Variants in ARL5C observed in about 807,000 individuals in gnomAD.
ARL5C encodes the protein putative ADP-ribosylation factor-like protein 5C.
In ARL5C, 21 loss-of-function variants were observed where a neutral mutation model predicts 20.8. The ratio of observed to expected loss-of-function variants is 1.01; its 90% CI spans 0.72 to 1.46. The LOEUF is 1.46. Among genes scored for constraint, ARL5C ranks in the 40% most tolerant of loss-of-function variants. ARL5C has a pLI of 0.00. For missense variants in ARL5C, 199 were observed against 225.1 expected (o/e 0.88, Z 0.74); for synonymous variants, 71 against 81.6 (o/e 0.87, Z 0.70).
At chr17:39,164,650 G>A (rs954881169) in intron 2 of ARL5C, among the ~76,000 whole-genome samples, 1 of 152,128 alleles carries the variant, frequency 6.6e-6, no homozygotes, top group African/African-American at 2.4e-5. Context: ...TATTTACTCA[G>A]CACCACCCAT....
At chr17:39,161,410 G>T in intron 3 of ARL5C, 59 bp from the exon 4 acceptor site, 1 of 1,487,640 alleles carries the variant, frequency 6.7e-7, no homozygotes, top group Non-Finnish European at 9.2e-7. Context: ...TGTGTTTCCT[G>T]CCCTCTTTCT....
rs2045411415 is a variant in ARL5C at position 39,157,561 on chromosome 17, G to A, written c.492-619C>T. Among the ~76,000 whole-genome samples the A allele has an allele frequency of 2.6e-5, 4 of 151,808 alleles. No individual in the cohort carries two copies. In the South Asian group the frequency reaches 6.2e-4, roughly 24 times the overall value. On this transcript the variant is annotated intron_variant, in intron 5 of 5. Transcript: ENST00000269586. ...TCCCAGCACTTAGGGAGGCGGAGGCGGGTGGATCACCTGAGGTCGGGAATT... is the reference window on the plus strand; with the variant it reads ...TCCCAGCACTTAGGGAGGCGGAGGCAGGTGGATCACCTGAGGTCGGGAATT...
Position 39,165,147 on chromosome 17 carries a change from C to A in ARL5C, c.47-8G>T, listed in dbSNP as rs1237064090. ...CGATGATGACCGTGTGCTCTGGAAG[C>A]GTCGGAGGAAGGGCAGCGTCAGGGC... On this transcript the variant is annotated splice_region_variant and splice_polypyrimidine_tract_variant and intron_variant, in intron 1 of 5. Transcript: ENST00000269586. The A allele has an allele frequency of 5.2e-6, 8 of 1,551,172 alleles. No homozygotes were observed. In the Admixed American group the frequency reaches 1.6e-4, roughly 30 times the overall value.
rs1388577675 is a variant in ARL5C at position 39,160,595 on chromosome 17, C to T, written c.487G>A (p.Glu163Lys). ...CCAGGTAGGGCAGCCACTAACCCTT[C>T]CCTGGTGAGGGCACAGCAGCCTTGT... ...HIQGCCALTR[E>K]GLPARLQWME... Residue 163 changes from glutamate to lysine, a missense_variant, in exon 5 of 6, where the codon GAA becomes AAA. Coordinates refer to ENST00000269586, the MANE Select transcript of ARL5C (RefSeq NM_001143968.1). 2.1e-5 allele frequency: 32 copies of T among 1,551,720 alleles called. No homozygotes were observed. The highest frequency in any genetic ancestry group is 2.8e-5 in the Non-Finnish European group (32 of 1,146,980).
intron 4 of ARL5C, 129 bp downstream of exon 4, chr17:39,161,139 C>A: frequency 1.2e-6 from 1 of 864,114 alleles, no homozygotes; most frequent in African/African-American, 1.7e-5. Flanking sequence ...AACCAGCCCT[C>A]CTCATGCTGC....
At chr17:39,162,651 A>G in intron 3 of ARL5C, 60 bp downstream of exon 3, 1 of 1,523,256 alleles carries the variant, frequency 6.6e-7, no homozygotes, top group South Asian at 1.2e-5. Flanking sequence ...GAAAGGTTAC[A>G]TGACAGTCTG....
At position 39,161,340 on chromosome 17, in the gene ARL5C, A is replaced by G. The variant is rs758782843; in HGVS notation, c.267T>C (p.Leu89=). The G allele has an allele frequency of 1.9e-6, 3 of 1,551,892 alleles. No homozygotes were observed. The highest frequency in any genetic ancestry group is 2.6e-6 in the Non-Finnish European group (3 of 1,147,018). ...GATCCCGGTCCGTGCTGTCAATCAC[A>G]AGGATGATAAACTGGGCAGCAGAGG... ...TYYSNTEFII[L]VIDSTDRDRL... is the part of the protein sequence containing the mutation. The change falls in exon 4 of 6, where the codon CTT becomes CTC. Residue 89 remains leucine, a synonymous_variant. Transcript: ENST00000269586.
chr17:39,157,033 C>A lies in ARL5C; in HGVS notation c.492-91G>T, dbSNP rs368710372. 210 of 1,394,694 alleles carry A rather than the reference C, an allele frequency of 1.5e-4. 1 individual carries two copies. In the Middle Eastern group the frequency reaches 4.5e-3, roughly 30 times the overall value. The allele number at this position is 1,394,694 out of a possible 1,614,324, so 86.4% of individuals were successfully genotyped here. On this transcript the variant is annotated intron_variant, in intron 5 of 5. Coordinates refer to ENST00000269586, the MANE Select transcript of ARL5C (RefSeq NM_001143968.1). Reference sequence around the variant, plus strand: ...GCCCTTGCCCAGATCGGACTGGGTGCAGGAACCAAAGTTACATCCAATAAT... The same window carrying A: ...GCCCTTGCCCAGATCGGACTGGGTGAAGGAACCAAAGTTACATCCAATAAT...
chr17:39,163,394 C>CTTTCTTTCTTTCTT (rs778704422), intron 2 of ARL5C, among the ~76,000 whole-genome samples: 2 of 147,512 alleles, frequency 1.4e-5, no homozygotes, highest in African/African-American at 2.6e-5. Flanking sequence ...TTCTTTCTTT[C>CTTTCTTTCTTTCTT]TCTCTTTCTT....
At chr17:39,159,072 C>T (rs1487089348) in intron 5 of ARL5C, among the ~76,000 whole-genome samples, 5 of 112,402 alleles carry the variant, frequency 4.4e-5, no homozygotes, top group Non-Finnish European at 8.6e-5. Context: ...TGCTATGTCA[C>T]CCAGACTGGA....
Position 39,158,480 on chromosome 17 carries a change from G to A in ARL5C, c.492-1538C>T, listed in dbSNP as rs557095169. Among the ~76,000 whole-genome samples the A allele has an allele frequency of 2.6e-5, 4 of 152,262 alleles. No homozygotes were observed. The South Asian group carries it at 8.3e-4, about 32-fold the overall frequency. On this transcript the variant is annotated intron_variant, in intron 5 of 5. Coordinates refer to ENST00000269586, the MANE Select transcript of ARL5C (RefSeq NM_001143968.1). ...ATACAAAAATTACCAGGGCATGGTG[G>A]TGTGCGCCTGTAGTCCCAGCTACTA...
At chr17:39,157,848 C>G (rs997539133) in intron 5 of ARL5C, among the ~76,000 whole-genome samples, 7 of 150,034 alleles carry the variant, frequency 4.7e-5, no homozygotes, top group Admixed American at 1.3e-4. Flanking sequence ...AATCCCAGCA[C>G]TTTGGGAGGC....
At chr17:39,161,439 A>C (rs2045434590) in intron 3 of ARL5C, 88 bp from the exon 4 acceptor site, 1 of 1,167,892 alleles carries the variant, frequency 8.6e-7, no homozygotes, top group African/African-American at 1.5e-5. Context: ...TGGTCTCTGC[A>C]CTGCCCAGAT....
chr17:39,158,479 G>A (rs1337770395), intron 5 of ARL5C, among the ~76,000 whole-genome samples: 5 of 152,144 alleles, frequency 3.3e-5, no homozygotes, highest in African/African-American at 4.8e-5. Flanking sequence ...AGGGCATGGT[G>A]GTGTGCGCCT....
chr17:39,165,769 C>G lies in ARL5C; in HGVS notation c.-9G>C. 1 of 1,551,812 alleles carries G rather than the reference C, an allele frequency of 6.4e-7. No individual in the cohort carries two copies. Among genetic ancestry groups the G allele is most frequent in the Non-Finnish European group, 8.7e-7 (1 of 1,146,992 alleles). ...GCGATCAGCTGTCCCATGGCACTTC[C>G]CGGGCCGGACAGGTGCAGGAGGGCT... On this transcript the variant is annotated 5_prime_UTR_variant, in exon 1 of 6. Transcript: ENST00000269586.
chr17:39,157,017 C>G, intron 5 of ARL5C, 75 bp from the exon 6 acceptor site: 1 of 1,511,788 alleles, frequency 6.6e-7, no homozygotes, highest in Non-Finnish European at 9.0e-7. Context: ...AGCCCTTGCC[C>G]AGATCGGACT....
At position 39,159,399 on chromosome 17, in the gene ARL5C, C is replaced by T. The variant is rs565157210; in HGVS notation, c.491+1192G>A. Reference sequence around the variant, plus strand: ...GCAACCTCCGCCTCCTGGGTTCAAGCGCTTCTCCTGCCTCACCCTCCCAAG... The same window carrying T: ...GCAACCTCCGCCTCCTGGGTTCAAGTGCTTCTCCTGCCTCACCCTCCCAAG... On this transcript the variant is annotated intron_variant, in intron 5 of 5. Transcript: ENST00000269586. Among the ~76,000 whole-genome samples the T allele has an allele frequency of 9.9e-5, 15 of 150,894 alleles. No homozygotes were observed. The South Asian group carries it at 1.9e-3, about 19-fold the overall frequency.
At chr17:39,159,297 C>CT (rs71141776) in intron 5 of ARL5C, among the ~76,000 whole-genome samples, 9,451 of 111,720 alleles carry the variant, frequency 0.085, 526 homozygotes, top group African/African-American at 0.15. Flanking sequence ...TTCTTTCTTT[C>CT]TTTTTTTTTT....
Position 39,160,624 on chromosome 17 carries a change from T to C in ARL5C, c.458A>G (p.His153Arg), listed in dbSNP as rs561637763. The C allele has an allele frequency of 1.9e-6, 3 of 1,551,876 alleles. No homozygotes were observed. Among genetic ancestry groups the C allele is most frequent in the South Asian group, 2.4e-5 (2 of 84,058 alleles). Residue 153 changes from histidine to arginine, a missense_variant, in exon 5 of 6, where the codon CAT becomes CGT. Physicochemically the swap from His to Arg is conservative, Grantham distance 29. Transcript: ENST00000269586. Reference sequence around the variant, plus strand: ...GGTGAGGGCACAGCAGCCTTGTATATGCCACGAGTGGTCTTTGATGGTGCT... The same window carrying C: ...GGTGAGGGCACAGCAGCCTTGTATACGCCACGAGTGGTCTTTGATGGTGCT... Reference protein sequence around the residue: ...TLSTIKDHSWHIQGCCALTRE... With the variant: ...TLSTIKDHSWRIQGCCALTRE...
Sources: allele counts gnomAD v4.1 joint callset (sites outside exome capture counted in the v4.1 genomes callset), GRCh38; gene constraint gnomAD v4.1.1; transcripts MANE v1.5; gene names NCBI Gene and HGNC (gene_info 2026-07-23, HGNC 2026-07-21).